The following GAB3 variants were observed in gnomAD, a reference collection of about 807,000 sequenced individuals.
GAB3 encodes the protein GRB2-associated-binding protein 3.
In GAB3, 12 loss-of-function variants were observed where a neutral mutation model predicts 40.4. The ratio of observed to expected loss-of-function variants is 0.30; its 90% CI spans 0.19 to 0.48. GAB3 has a LOEUF of 0.48. Ranked by LOEUF, GAB3 falls within the 20% of genes least tolerant of loss-of-function variation. GAB3 has a pLI of 0.99. For synonymous variants in GAB3, 154 were observed against 176.7 expected (o/e 0.87, Z 1.02); for missense variants, 381 against 461.9 (o/e 0.82, Z 1.61).
intron 1 of GAB3, among the ~76,000 whole-genome samples, chrX:154,723,077 G>A (rs1469035193): frequency 6.3e-5 from 7 of 110,290 alleles, no homozygotes; most frequent in Admixed American, 5.8e-4. Context: ...ATGGGGTTTC[G>A]CCATGTTGGT....
intron 1 of GAB3, among the ~76,000 whole-genome samples, chrX:154,735,026 T>C (rs868992483): frequency 1.5e-4 from 15 of 103,285 alleles, no homozygotes; most frequent in African/African-American, 5.0e-4. Flanking sequence ...ACCTAATTAA[T>C]AGAAAAACAT....
chrX:154,730,988 C>T (rs782760638), intron 1 of GAB3, among the ~76,000 whole-genome samples: 2 of 112,235 alleles, frequency 1.8e-5, no homozygotes, highest in African/African-American at 6.5e-5. Context: ...AGGGAGAATC[C>T]TGAGGAGAAA....
At chrX:154,688,222 C>T (rs781945470) in intron 8 of GAB3, among the ~76,000 whole-genome samples, 3 of 110,486 alleles carry the variant, frequency 2.7e-5, no homozygotes, top group South Asian at 7.5e-4. Flanking sequence ...GCTCCAGATA[C>T]GGAGAAAATA....
Position 154,712,564 on chromosome X carries a change from G to A in GAB3, c.734C>T (p.Ala245Val), listed in dbSNP as rs1557256452. The A allele has an allele frequency of 4.3e-6, 5 of 1,175,221 alleles. No homozygotes were observed. The highest frequency in any genetic ancestry group is 4.0e-5 in the South Asian group (2 of 50,403). ...AGGCCTCGAGGATGGCACCTCCTGA[G>A]CTCCACTGCCATGGCATGAGGGGTG... is the stretch of plus-strand genomic sequence containing the variant. ...LVHPSCHGSGAQEVPSSRPQA... is the reference protein window; with the variant it reads ...LVHPSCHGSGVQEVPSSRPQA... The change falls in exon 4 of 10, where the codon GCT becomes GTT. Residue 245 changes from alanine (A) to valine (V), a missense_variant. By Grantham distance (64) the Ala-to-Val change is moderately conservative. This residue lies in a region of GAB3 where 364 missense variants were observed against 421.0 expected (regional missense o/e 0.86). Coordinates refer to ENST00000424127, the MANE Select transcript of GAB3 (RefSeq NM_001081573.3).
chrX:154,733,959 AGG>A (rs1442952851), intron 1 of GAB3, among the ~76,000 whole-genome samples: 2 of 112,449 alleles, frequency 1.8e-5, no homozygotes, highest in Admixed American at 9.4e-5. Context: ...CTAACATTTT[AGG>A]GGCTAACACT....
chrX:154,745,996 G>A lies in GAB3; in HGVS notation c.72+4958C>T, dbSNP rs185238763. ...GAACCCAGGAGGTGGAGGTTGCAGCGAGCCAAGATCGTGCCACTGCACTTC... is the reference window on the plus strand; with the variant it reads ...GAACCCAGGAGGTGGAGGTTGCAGCAAGCCAAGATCGTGCCACTGCACTTC... On this transcript the variant is annotated intron_variant, in intron 1 of 9. Transcript: ENST00000424127. 1.1e-4 allele frequency among the ~76,000 whole-genome samples: 11 copies of A among 103,727 alleles called. 1 individual carries two copies. Among genetic ancestry groups the A allele is most frequent in the Admixed American group, 9.5e-4 (9 of 9,480 alleles). The allele number at this position is 103,727 out of a possible 115,157, so 90.1% of individuals were successfully genotyped here.
chrX:154,678,783 A>C (rs2070333132), intron 9 of GAB3, among the ~76,000 whole-genome samples: 1 of 111,931 alleles, frequency 8.9e-6, no homozygotes, highest in Non-Finnish European at 1.9e-5. Context: ...TCCTGCCACC[A>C]TGTGAAAAAG....
intron 8 of GAB3, among the ~76,000 whole-genome samples, chrX:154,694,668 C>T: frequency 8.9e-6 from 1 of 112,452 alleles, no homozygotes; most frequent in Non-Finnish European, 1.9e-5. Context: ...GCTGGGATTA[C>T]AGGCGTGAGC....
intron 1 of GAB3, among the ~76,000 whole-genome samples, chrX:154,736,052 C>A (rs1300047916): frequency 8.9e-6 from 1 of 112,661 alleles, no homozygotes; most frequent in East Asian, 2.8e-4. Flanking sequence ...ACAGGAGCTG[C>A]CGCTGTTGGA....
intron 8 of GAB3, among the ~76,000 whole-genome samples, chrX:154,693,555 AAGAAC>A (rs1339252745): frequency 8.9e-6 from 1 of 112,098 alleles, no homozygotes; most frequent in Non-Finnish European, 1.9e-5. Flanking sequence ...TATAGTCATG[AAGAAC>A]AGATCAATGG....
rs1557246259 is a variant in GAB3 at position 154,679,260 on chromosome X, G to A, written c.1647+872C>T. The stretch of plus-strand genomic sequence containing the variant: ...AATCTCTCTTTTTCCTCTGCCAGGA[G>A]GCCAGCACACTTCAGATGGGGGCTG... On this transcript the variant is annotated intron_variant, in intron 9 of 9. Transcript: ENST00000424127. 1.5e-5 allele frequency: 5 copies of A among 341,667 alleles called. No individual in the cohort carries two copies. The Admixed American group carries it at 1.6e-4, about 11-fold the overall frequency. 28.2% of individuals were successfully genotyped at this position (341,667 alleles called of 1,213,427 possible). A position where few individuals can be genotyped will look rare whatever the true frequency, so the allele number is the denominator to read the frequency against.
At chrX:154,710,252 G>A (rs782730527) in intron 4 of GAB3, among the ~76,000 whole-genome samples, 30 of 111,850 alleles carry the variant, frequency 2.7e-4, no homozygotes, top group Non-Finnish European at 3.0e-4. Flanking sequence ...TTCACAAACC[G>A]ATCTACAGAT....
chrX:154,694,999 A>C (rs782250128), intron 8 of GAB3, among the ~76,000 whole-genome samples: 1 of 112,487 alleles, frequency 8.9e-6, no homozygotes, highest in South Asian at 3.7e-4. Context: ...TGAAGCATTT[A>C]ATTATAGCTT....
rs781951134 is a variant in GAB3, at chrX:154,716,065, T to C, written c.337A>G (p.Ser113Gly). 3 of 1,212,326 alleles carry C rather than the reference T, an allele frequency of 2.5e-6. No individual in the cohort carries two copies. The highest frequency in any genetic ancestry group is 1.1e-6 in the Non-Finnish European group (1 of 895,552). ...QEMQVWVHSISQVCNLGHLED... is the reference protein window; with the variant it reads ...QEMQVWVHSIGQVCNLGHLED... The stretch of plus-strand genomic sequence containing the variant: ...AGGTGGCCAAGGTTGCAGACCTGAC[T>C]GATGCTGTGCACCCACACCTGCATT... The change falls in exon 2 of 10, where the codon AGT becomes GGT. Residue 113 changes from serine to glycine, a missense_variant. Ser to Gly is a moderately conservative substitution (Grantham distance 56). Transcript: ENST00000424127.
intron 3 of GAB3, 143 bp downstream of exon 3, chrX:154,713,064 A>G (rs1406060423): frequency 4.0e-6 from 2 of 499,991 alleles, no homozygotes; most frequent in South Asian, 6.0e-5. Flanking sequence ...AGACACACCC[A>G]CTAGAAAATG....
chrX:154,697,615 A>C (rs1291056509), intron 6 of GAB3, among the ~76,000 whole-genome samples: 2 of 111,766 alleles, frequency 1.8e-5, no homozygotes, highest in Non-Finnish European at 3.8e-5. Context: ...CCCAGGTCCT[A>C]GTCTTCCCCA....
rs1482141234 is a variant in GAB3 at position 154,675,379 on chromosome X, G to A, written c.*2799C>T. Reference sequence around the variant, plus strand: ...CTGAGGAAAAAGCCAGGTCTGAGGAGAGCCTTCAGTTTCAACTCGGAACTT... The same window carrying A: ...CTGAGGAAAAAGCCAGGTCTGAGGAAAGCCTTCAGTTTCAACTCGGAACTT... On this transcript the variant is annotated 3_prime_UTR_variant, in exon 10 of 10. Transcript: ENST00000424127. 8.9e-6 allele frequency: 1 copy of A among 112,211 alleles called. No homozygotes were observed. Among genetic ancestry groups the A allele is most frequent in the African/African-American group, 3.2e-5 (1 of 30,879 alleles). The allele number at this position is 112,211 out of a possible 1,213,427, so 9.2% of individuals were successfully genotyped here.
chrX:154,722,629 T>C (rs2071151916), intron 1 of GAB3, among the ~76,000 whole-genome samples: 1 of 112,063 alleles, frequency 8.9e-6, no homozygotes. Context: ...AGAGGAGATA[T>C]CTATGGATTA....
At chrX:154,697,324 A>C (rs1169138575) in intron 6 of GAB3, 111 bp from the exon 7 acceptor site, 4 of 476,310 alleles carry the variant, frequency 8.4e-6, no homozygotes, top group Non-Finnish European at 1.4e-5. Context: ...AACAGGCAGC[A>C]CTGATGATGA....
Sources: allele counts gnomAD v4.1 joint callset (sites outside exome capture counted in the v4.1 genomes callset), GRCh38; gene constraint gnomAD v4.1.1; regional missense constraint gnomAD v4.1.1; transcripts MANE v1.5; gene names NCBI Gene and HGNC (gene_info 2026-07-23, HGNC 2026-07-21).